TTC7A: variants seen among roughly 807,000 people sequenced by gnomAD.
TTC7A encodes the protein tetratricopeptide repeat protein 7A.
TTC7A carries 110 observed loss-of-function variants against 103.7 expected under a neutral mutation model. The ratio of observed to expected loss-of-function variants is 1.06; its 90% CI spans 0.91 to 1.24. TTC7A has a LOEUF of 1.24. Among genes scored for constraint, TTC7A ranks in the 50% most tolerant of loss-of-function variants. TTC7A has a pLI of 0.00. For synonymous variants in TTC7A, 521 were observed against 467.9 expected, an observed-to-expected ratio of 1.11 and a Z score of -1.47; for missense variants, 1,340 against 1,116.3, an observed-to-expected ratio of 1.20 and a Z score of -2.86.
At chr2:46,991,357 G>A (rs938144882) in intron 5 of TTC7A, among the ~76,000 whole-genome samples, 5 of 152,092 alleles carry the variant, frequency 3.3e-5, no homozygotes, top group African/African-American at 7.2e-5. Context: ...CTGGCCAGGC[G>A]TGGTGGTGGC....
At chr2:47,043,362 G>A (rs1681971479) in intron 15 of TTC7A, among the ~76,000 whole-genome samples, 1 of 152,204 alleles carries the variant, frequency 6.6e-6, no homozygotes, top group Admixed American at 6.5e-5. Flanking sequence ...GAAAGCCAGA[G>A]GGCGACATCT....
chr2:47,047,286 G>A (rs750796954), intron 16 of TTC7A: 35 of 1,549,580 alleles, frequency 2.3e-5, no homozygotes, highest in Non-Finnish European at 7.0e-6. Flanking sequence ...AGCCCAGAAG[G>A]CTTCCAGACT....
At chr2:46,949,998 G>C (rs1028777897) in intron 1 of TTC7A, among the ~76,000 whole-genome samples, 11 of 152,134 alleles carry the variant, frequency 7.2e-5, no homozygotes, top group Non-Finnish European at 1.5e-4. Context: ...TCAATCATTT[G>C]GGGAGAATTC....
intron 14 of TTC7A, among the ~76,000 whole-genome samples, chr2:47,028,063 A>T (rs940200285): frequency 6.6e-6 from 1 of 152,154 alleles, no homozygotes; most frequent in Non-Finnish European, 1.5e-5. Context: ...ATCGGAGGCA[A>T]GGAGAGGGGC....
chr2:46,964,162 G>A (rs1672632979), intron 3 of TTC7A, among the ~76,000 whole-genome samples: 1 of 152,236 alleles, frequency 6.6e-6, no homozygotes, highest in Non-Finnish European at 1.5e-5. Context: ...AGGGAGGTGA[G>A]ATCCAGCTAG....
At chr2:46,948,572 G>A (rs555310238) in intron 1 of TTC7A, among the ~76,000 whole-genome samples, 12 of 152,236 alleles carry the variant, frequency 7.9e-5, no homozygotes, top group East Asian at 7.7e-4. Context: ...CTTTAGAACC[G>A]TTCTCTGTGG....
At chr2:46,979,567 C>T (rs1279541443) in intron 5 of TTC7A, among the ~76,000 whole-genome samples, 2 of 152,150 alleles carry the variant, frequency 1.3e-5, no homozygotes, top group Non-Finnish European at 2.9e-5. Context: ...CTGGGTGAAG[C>T]AAGACCTGCC....
rs148800120 is a variant in TTC7A at position 46,932,581 on chromosome 2, AAGAAAG to A, written c.82+15312_82+15317del. On this transcript the variant is annotated intron_variant, in intron 2 of 20. Coordinates refer to the TTC7A transcript ENST00000409245. Reference sequence around the variant, plus strand: ...TAAAAGAGAAGAAAAAGAGGAAGAAAAGAAAGAGAAAGAAAGATTAATATAGAAGCA... The same window carrying A: ...TAAAAGAGAAGAAAAAGAGGAAGAAAAGAAAGAAAGATTAATATAGAAGCA... Among the ~76,000 whole-genome samples the A allele has an allele frequency of 9.7e-3, 1,476 of 152,102 alleles. 30 individuals are homozygous for A. The highest frequency in any genetic ancestry group is 0.033 in the African/African-American group (1,382 of 41,494).
chr2:47,038,957 G>A (rs922401806), intron 15 of TTC7A, among the ~76,000 whole-genome samples: 1 of 152,126 alleles, frequency 6.6e-6, no homozygotes, highest in Non-Finnish European at 1.5e-5. Context: ...CCCAGATGAA[G>A]GAAGGATCTC....
intron 19 of TTC7A, among the ~76,000 whole-genome samples, chr2:47,069,503 G>T (rs866035651): frequency 1.1e-4 from 17 of 152,124 alleles, no homozygotes; most frequent in African/African-American, 4.1e-4. Flanking sequence ...GGGGGCTCTG[G>T]GGTGAACACA....
chr2:47,061,699 C>T lies in TTC7A; in HGVS notation c.2355+728C>T, dbSNP rs62138223. Among the ~76,000 whole-genome samples the T allele has an allele frequency of 2.2e-3, 338 of 152,300 alleles. 2 individuals are homozygous for T. The highest frequency in any genetic ancestry group is 3.4e-3 in the Middle Eastern group (1 of 294). ...TGAACCTTAGTTTTAATTATCTGTC[C>T]GGTGGATATCCTCTGGTCCAGGCAA... On this transcript the variant is annotated intron_variant, in intron 19 of 19. Coordinates refer to ENST00000319190, the MANE Select transcript of TTC7A (RefSeq NM_020458.4).
At chr2:47,073,305 C>A (rs1204390071) in intron 19 of TTC7A, among the ~76,000 whole-genome samples, 1 of 152,166 alleles carries the variant, frequency 6.6e-6, no homozygotes, top group African/African-American at 2.4e-5. Flanking sequence ...CCTCCTGACT[C>A]CTTTCAACCT....
At chr2:46,915,996 C>T (rs963251986), upstream of TTC7A, 2 of 985,402 alleles carry the variant, frequency 2.0e-6, no homozygotes, top group Non-Finnish European at 2.4e-6. Context: ...TTCCCAAGGG[C>T]GACACTCGGC....
chr2:46,916,155 C>A, upstream of TTC7A: 1 of 985,518 alleles, frequency 1.0e-6, no homozygotes, highest in Non-Finnish European at 1.2e-6. Context: ...TCCGCTCACC[C>A]CCTCCTATAC....
chr2:47,015,833 C>T (rs1678593841), intron 11 of TTC7A, among the ~76,000 whole-genome samples: 1 of 152,148 alleles, frequency 6.6e-6, no homozygotes, highest in Non-Finnish European at 1.5e-5. Flanking sequence ...AATGCCAGCC[C>T]TCCTGCCACC....
intron 5 of TTC7A, among the ~76,000 whole-genome samples, chr2:46,986,755 A>G (rs1675057009): frequency 6.6e-6 from 1 of 152,190 alleles, no homozygotes; most frequent in African/African-American, 2.4e-5. Flanking sequence ...GTGGGGCCAG[A>G]TGGCCACAGG....
At chr2:46,942,604 A>G (rs1433774729) in intron 1 of TTC7A, among the ~76,000 whole-genome samples, 1 of 152,158 alleles carries the variant, frequency 6.6e-6, no homozygotes, top group Non-Finnish European at 1.5e-5. Flanking sequence ...TGTCCTGAGC[A>G]CTTTAATCAA....
intron 2 of TTC7A, 188 bp from the exon 3 acceptor site, chr2:46,956,651 A>G (rs1166445280): frequency 1.6e-5 from 10 of 620,860 alleles, no homozygotes; most frequent in South Asian, 5.8e-5. Flanking sequence ...GAGAACCACA[A>G]TGTAGGCTGC....
intron 2 of TTC7A, among the ~76,000 whole-genome samples, chr2:46,930,163 TAAC>T (rs991208142): frequency 6.6e-6 from 1 of 152,024 alleles, no homozygotes; most frequent in African/African-American, 2.4e-5. Flanking sequence ...ATAATAAAGA[TAAC>T]AAAATTAATG....
Sources: gnomAD v4.1 joint callset for allele counts (sites outside exome capture counted in the v4.1 genomes callset) on GRCh38, gnomAD v4.1.1 for gene constraint, MANE v1.5 for transcripts, NCBI Gene and HGNC (gene_info 2026-07-23, HGNC 2026-07-21) for gene names.